The following DOCK1 variants were observed in gnomAD, a reference collection of about 807,000 sequenced individuals.
DOCK1 encodes the protein dedicator of cytokinesis protein 1.
A neutral mutation model predicts 262.7 loss-of-function variants in DOCK1; 138 were observed. That is an observed-to-expected ratio of 0.53 (90% CI 0.46 to 0.61). The LOEUF (loss-of-function observed/expected upper bound fraction) is 0.61. Ranked by LOEUF, DOCK1 falls within the 20% of genes least tolerant of loss-of-function variation. DOCK1 has a pLI of 0.00. For synonymous variants in DOCK1, 866 were observed against 867.4 expected (o/e 1.00, Z 0.03); for missense variants, 1,908 against 2,370.7 (o/e 0.80, Z 4.05).
intron 22 of DOCK1, among the ~76,000 whole-genome samples, chr10:127,056,364 C>G (rs1331012016): frequency 6.6e-6 from 1 of 152,084 alleles, no homozygotes; most frequent in Non-Finnish European, 1.5e-5. Context: ...GCCAGCATGC[C>G]TGGCTAATTT....
chr10:127,202,492 C>T (rs1398208386), intron 27 of DOCK1, among the ~76,000 whole-genome samples: 2 of 152,138 alleles, frequency 1.3e-5, no homozygotes, highest in Non-Finnish European at 2.9e-5. Context: ...GGGAGGCCTG[C>T]AGTCTTCTCC....
chr10:127,374,285 G>T, intron 35 of DOCK1, 71 bp downstream of exon 35: 1 of 1,501,140 alleles, frequency 6.7e-7, no homozygotes, highest in Non-Finnish European at 8.9e-7. Context: ...GATTGCCCCA[G>T]CCCTTATCTA....
At chr10:127,019,764 T>C (rs923261894) in intron 13 of DOCK1, among the ~76,000 whole-genome samples, 4 of 152,060 alleles carry the variant, frequency 2.6e-5, no homozygotes, top group Admixed American at 6.5e-5. Context: ...AAAACTAACT[T>C]GAACCACGTG....
At chr10:127,134,153 G>A (rs1202170775) in intron 27 of DOCK1, among the ~76,000 whole-genome samples, 1 of 152,170 alleles carries the variant, frequency 6.6e-6, no homozygotes, top group Non-Finnish European at 1.5e-5. Flanking sequence ...TGTCTTCTAG[G>A]AAAGGCCAGT....
intron 44 of DOCK1, among the ~76,000 whole-genome samples, chr10:127,415,989 C>T (rs745483244): frequency 2.6e-5 from 4 of 152,224 alleles, no homozygotes; most frequent in Admixed American, 6.5e-5. Context: ...GTGGCACTTG[C>T]CATTTAGTTT....
At chr10:126,917,796 G>A (rs1157729286) in intron 1 of DOCK1, among the ~76,000 whole-genome samples, 3 of 152,196 alleles carry the variant, frequency 2.0e-5, no homozygotes, top group African/African-American at 7.2e-5. Context: ...GGGAGGAGAT[G>A]TGAGGACTAA....
chr10:127,320,061 C>T (rs1170853930), intron 29 of DOCK1, among the ~76,000 whole-genome samples: 1 of 152,158 alleles, frequency 6.6e-6, no homozygotes, highest in Non-Finnish European at 1.5e-5. Flanking sequence ...AGTTAGAAGC[C>T]AGAGCCCTTG....
intron 31 of DOCK1, among the ~76,000 whole-genome samples, chr10:127,352,598 GT>G (rs982243703): frequency 1.3e-5 from 2 of 151,410 alleles, no homozygotes; most frequent in Admixed American, 1.3e-4. Context: ...GCAGTGGCCA[GT>G]TTTTTTTTCT....
chr10:127,305,988 G>A (rs1484176603), intron 29 of DOCK1, among the ~76,000 whole-genome samples: 1 of 150,616 alleles, frequency 6.6e-6, no homozygotes, highest in African/African-American at 2.4e-5. Flanking sequence ...GTTAGCTCAA[G>A]TACGTTTTAT....
intron 1 of DOCK1, 150 bp from the exon 2 acceptor site, chr10:126,970,552 C>T (rs771227567): frequency 2.1e-5 from 12 of 576,952 alleles, no homozygotes; most frequent in Non-Finnish European, 1.2e-5. Flanking sequence ...AAGAAAAGGT[C>T]ACTTCTGTGG....
intron 29 of DOCK1, among the ~76,000 whole-genome samples, chr10:127,279,091 G>A (rs190177035): frequency 5.5e-4 from 83 of 152,288 alleles, no homozygotes; most frequent in Non-Finnish European, 8.8e-4. Flanking sequence ...CCAGTGTAGC[G>A]TTTCCTATCA....
intron 46 of DOCK1, among the ~76,000 whole-genome samples, chr10:127,420,612 G>T (rs569394509): frequency 6.6e-6 from 1 of 152,082 alleles, no homozygotes; most frequent in Non-Finnish European, 1.5e-5. Flanking sequence ...CTAAGCTGGG[G>T]TCCCAGGCTC....
chr10:127,256,125 T>C (rs777375052), intron 28 of DOCK1, among the ~76,000 whole-genome samples: 2 of 152,182 alleles, frequency 1.3e-5, no homozygotes, highest in Non-Finnish European at 2.9e-5. Flanking sequence ...GTGATCAGGA[T>C]CACTCATTTT....
intron 38 of DOCK1, among the ~76,000 whole-genome samples, chr10:127,397,154 C>T (rs796413578): frequency 1.1e-4 from 13 of 118,498 alleles, no homozygotes; most frequent in South Asian, 3.0e-4. Context: ...ACACGGGCAG[C>T]GACTCCTATG....
chr10:127,110,208 A>G (rs3740012), intron 24 of DOCK1, 40 bp from the exon 25 acceptor site: 237,382 of 1,521,588 alleles, frequency 0.16, 23,862 homozygotes, highest in African/African-American at 0.5. Flanking sequence ...TCCTTTTGCT[A>G]TGTGTCTCAA....
intron 2 of DOCK1, among the ~76,000 whole-genome samples, chr10:126,974,052 G>A (rs1335398954): frequency 6.6e-6 from 1 of 152,140 alleles, no homozygotes; most frequent in African/African-American, 2.4e-5. Flanking sequence ...AAGAAAATGA[G>A]CTTTCTAGCT....
At chr10:127,442,764 G>A (rs1470609400) in intron 49 of DOCK1, among the ~76,000 whole-genome samples, 1 of 152,234 alleles carries the variant, frequency 6.6e-6, no homozygotes, top group Non-Finnish European at 1.5e-5. Context: ...GAGCACAGCT[G>A]GGAATAATTC....
At chr10:127,163,593 C>G (rs1345810912) in intron 27 of DOCK1, among the ~76,000 whole-genome samples, 1 of 152,058 alleles carries the variant, frequency 6.6e-6, no homozygotes, top group Non-Finnish European at 1.5e-5. Context: ...TGATAACATG[C>G]CCTTTTGCTT....
intron 1 of DOCK1, among the ~76,000 whole-genome samples, chr10:126,938,745 G>A (rs897396904): frequency 2.8e-5 from 4 of 141,820 alleles, no homozygotes; most frequent in Non-Finnish European, 4.9e-5. Context: ...TCTCCAGAGG[G>A]GATGAACACC....
Sources: gnomAD v4.1 joint callset for allele counts (sites outside exome capture counted in the v4.1 genomes callset) on GRCh38, gnomAD v4.1.1 for gene constraint, MANE v1.5 for transcripts, NCBI Gene and HGNC (gene_info 2026-07-23, HGNC 2026-07-21) for gene names.